Variants in CNOT4 observed in about 807,000 individuals in gnomAD.
CNOT4 encodes the protein CCR4-NOT transcription complex subunit 4, also known as CCR4-associated factor 4.
Under a neutral mutation model 73.8 loss-of-function variants are expected in CNOT4, and 8 were observed. The observed-to-expected ratio is 0.11, with a 90% CI of 0.06 to 0.20. The LOEUF is 0.20. CNOT4 is among the 10% of genes least tolerant of loss of function. The pLI, the probability that CNOT4 is intolerant of heterozygous loss-of-function variation, is 1.00. For missense variants in CNOT4, 564 were observed against 883.4 expected (o/e 0.64, Z 4.58); for synonymous variants, 293 against 321.1 (o/e 0.91, Z 0.94).
At chr7:135,384,722 T>C (rs1300749608) in intron 10 of CNOT4, 2 of 765,206 alleles carry the variant, frequency 2.6e-6, no homozygotes, top group South Asian at 1.3e-5. Context: ...ATTGGCTCTG[T>C]AAGGTCTGCC....
chr7:135,505,407 C>T (rs1436607242), intron 1 of CNOT4, among the ~76,000 whole-genome samples: 1 of 152,090 alleles, frequency 6.6e-6, no homozygotes, highest in Non-Finnish European at 1.5e-5. Flanking sequence ...CAAAAATTAG[C>T]TGAGTGTGGT....
chr7:135,391,893 A>G (rs992142495), intron 10 of CNOT4, among the ~76,000 whole-genome samples: 5 of 152,058 alleles, frequency 3.3e-5, no homozygotes, highest in African/African-American at 1.2e-4. Context: ...AATCCCATAA[A>G]GGCATCCTAC....
At chr7:135,436,121 G>A (rs1364535510) in intron 2 of CNOT4, among the ~76,000 whole-genome samples, 1 of 146,746 alleles carries the variant, frequency 6.8e-6, no homozygotes, top group East Asian at 2.0e-4. Flanking sequence ...ACACTTTCTG[G>A]TATTCCCAGG....
intron 1 of CNOT4, among the ~76,000 whole-genome samples, chr7:135,439,032 C>T (rs1168282849): frequency 6.6e-6 from 1 of 151,974 alleles, no homozygotes; most frequent in Non-Finnish European, 1.5e-5. Flanking sequence ...GGTAATACTA[C>T]AAAAAGCCTA....
chr7:135,491,325 G>A lies in CNOT4; in HGVS notation c.-93+18564C>T, dbSNP rs562772897. On this transcript the variant is annotated intron_variant, in intron 1 of 11. Transcript: ENST00000541284. ...TAGATAGAGAAGATAACCAAGGAGT[G>A]AGCCTTGGGATATTCCAATGTTTAG... 5.9e-5 allele frequency among the ~76,000 whole-genome samples: 9 copies of A among 152,338 alleles called. 2 individuals carry two copies. The South Asian group carries it at 1.9e-3, about 32-fold the overall frequency.
Position 135,509,877 on chromosome 7 carries a change from G to C in CNOT4, c.-93+12C>G. 2 of 394,108 alleles carry C rather than the reference G, an allele frequency of 5.1e-6. No homozygotes were observed. Among genetic ancestry groups the C allele is most frequent in the Non-Finnish European group, 8.9e-6 (2 of 223,578 alleles). The allele number at this position is 394,108 out of a possible 1,614,324, so 24.4% of individuals were successfully genotyped here. A position where few individuals can be genotyped will look rare whatever the true frequency, so the allele number is the denominator to read the frequency against. ...CCGGGTTTCCCCTAAGCCCAGCCCC[G>C]CATAGACTCACCCGCCTGCCTTGCC... On this transcript the variant is annotated intron_variant, in intron 1 of 11. Coordinates refer to ENST00000541284, the MANE Select transcript of CNOT4 (RefSeq NM_001190850.2).
At chr7:135,505,596 G>A (rs939394183) in intron 1 of CNOT4, among the ~76,000 whole-genome samples, 6 of 152,036 alleles carry the variant, frequency 3.9e-5, no homozygotes, top group Admixed American at 3.9e-4. Flanking sequence ...AAATAAACCT[G>A]TTAAGATGAA....
intron 1 of CNOT4, 41 bp downstream of exon 1, chr7:135,509,848 A>G: frequency 2.6e-6 from 1 of 392,148 alleles, no homozygotes; most frequent in Non-Finnish European, 4.5e-6. Flanking sequence ...GTAGCCGGTC[A>G]GCCCCGGGTT....
At chr7:135,390,754 A>C (rs892998172) in intron 10 of CNOT4, among the ~76,000 whole-genome samples, 2 of 152,196 alleles carry the variant, frequency 1.3e-5, no homozygotes, top group Non-Finnish European at 2.9e-5. Context: ...ATGTATAGTA[A>C]GTAGACATTC....
chr7:135,381,925 A>C (rs1795867095), intron 10 of CNOT4, among the ~76,000 whole-genome samples: 2 of 152,186 alleles, frequency 1.3e-5, no homozygotes, highest in South Asian at 4.1e-4. Flanking sequence ...GGAATAACAA[A>C]ATTGTTATAA....
At position 135,414,320 on chromosome 7, in the gene CNOT4, G is replaced by A. The variant is rs113668804; in HGVS notation, c.561+11C>T. The A allele has an allele frequency of 8.5e-3, 8,021 of 943,546 alleles. 486 individuals are homozygous for A. In the African/African-American group the frequency reaches 0.12, roughly 14 times the overall value. The allele number at this position is 943,546 out of a possible 1,614,324, so 58.4% of individuals were successfully genotyped here. A position where few individuals can be genotyped will look rare whatever the true frequency, so the allele number is the denominator to read the frequency against. ...TAAAAAAAAAAAAAAGAATCAAGAG[G>A]ACTATATTACCTTAAGTGTTCTGCC... On this transcript the variant is annotated intron_variant, in intron 5 of 11. Transcript: ENST00000541284.
rs574205499 is a variant in CNOT4, at chr7:135,403,836, C to T, written c.822-5610G>A. Among the ~76,000 whole-genome samples, 5 of 152,218 alleles carry T rather than the reference C, an allele frequency of 3.3e-5. No individual in the cohort carries two copies. In the South Asian group the frequency reaches 8.3e-4, roughly 25 times the overall value. The stretch of plus-strand genomic sequence containing the variant: ...TAAACATATCACAAAATGTGGTAAC[C>T]TTCAAAAACAGCAAGTCTCCACTTA... On this transcript the variant is annotated intron_variant, in intron 7 of 11. Transcript: ENST00000541284.
chr7:135,449,828 GT>G (rs35975371), intron 1 of CNOT4, among the ~76,000 whole-genome samples: 59,196 of 146,354 alleles, frequency 0.4, 12,215 homozygotes, highest in East Asian at 0.73. Flanking sequence ...AATATTGTGG[GT>G]TTTTTTTTTT....
intron 7 of CNOT4, among the ~76,000 whole-genome samples, chr7:135,403,966 G>A (rs1797140681): frequency 1.3e-5 from 2 of 151,818 alleles, no homozygotes. Context: ...AGTAAACAAG[G>A]GCACACACAA....
chr7:135,397,364 T>C (rs1796751578), intron 8 of CNOT4, among the ~76,000 whole-genome samples: 1 of 152,144 alleles, frequency 6.6e-6, no homozygotes, highest in Non-Finnish European at 1.5e-5. Context: ...TTACATCCTT[T>C]GCAACTACTT....
intron 1 of CNOT4, among the ~76,000 whole-genome samples, chr7:135,491,875 G>A (rs2129487706): frequency 6.6e-6 from 1 of 152,324 alleles, no homozygotes; most frequent in Non-Finnish European, 1.5e-5. Flanking sequence ...GAACCTTGGA[G>A]AGTGGTTGGC....
chr7:135,431,704 C>T (rs1333101485), intron 2 of CNOT4, among the ~76,000 whole-genome samples: 1 of 151,780 alleles, frequency 6.6e-6, no homozygotes, highest in African/African-American at 2.4e-5. Context: ...GATCACACCA[C>T]TGCACTCCAG....
At chr7:135,462,933 A>G (rs1478706366) in intron 1 of CNOT4, among the ~76,000 whole-genome samples, 1 of 152,212 alleles carries the variant, frequency 6.6e-6, no homozygotes, top group African/African-American at 2.4e-5. Flanking sequence ...ATAACCTTCA[A>G]TCTTCTGCAT....
rs200460078 is a variant in CNOT4 at position 135,363,059 on chromosome 7, G to A, written c.1968C>T (p.His656=). 6.2e-7 allele frequency: 1 copy of A among 1,614,090 alleles called. No homozygotes were observed. The highest frequency in any genetic ancestry group is 1.1e-5 in the South Asian group (1 of 91,080). The part of the protein sequence containing the change: ...GPSAAPSQTH[H]SAPFSTQIPL... ...GGATCTGTGTGCTGAAGGGGGCGCT[G>A]TGGTGGGTCTGTGATGGAGCAGCGC... The change falls in exon 12 of 12, where the codon CAC becomes CAT. Residue 656 remains histidine, a synonymous_variant. Coordinates refer to ENST00000541284, the MANE Select transcript of CNOT4 (RefSeq NM_001190850.2). This position sits in a 1 kb window ranked among gnomAD's most constrained non-coding sequence, Gnocchi z 4.3.
Sources: gnomAD v4.1 joint callset for allele counts (sites outside exome capture counted in the v4.1 genomes callset) on GRCh38, gnomAD v4.1.1 for gene constraint, Gnocchi (gnomAD v3.1) non-coding constraint, MANE v1.5 for transcripts, NCBI Gene and HGNC (gene_info 2026-07-23, HGNC 2026-07-21) for gene names.